Variants in PRR16 observed in about 807,000 individuals in gnomAD.
The protein encoded by PRR16 is proline rich 16, also known as protein Largen.
PRR16 carries 6 observed loss-of-function variants against 18.2 expected under a neutral mutation model. That is an observed-to-expected ratio of 0.33 (90% confidence interval 0.18 to 0.65). The LOEUF is 0.65. PRR16 is among the 30% of genes least tolerant of loss of function. The pLI, the probability that PRR16 is intolerant of heterozygous loss-of-function variation, is 0.74. For missense variants in PRR16, 412 were observed against 376.6 expected (o/e 1.09, Z -0.78); for synonymous variants, 151 against 147.8 (o/e 1.02, Z -0.16).
At chr5:120,595,864 C>A (rs866158631) in intron 1 of PRR16, among the ~76,000 whole-genome samples, 1 of 151,892 alleles carries the variant, frequency 6.6e-6, no homozygotes, top group Non-Finnish European at 1.5e-5. Flanking sequence ...AAAAATTTAA[C>A]TTTGCAACTT....
At chr5:120,738,957 C>T in the PRR16 span, among the ~76,000 whole-genome samples, 1 of 152,122 alleles carries the variant, frequency 6.6e-6, no homozygotes, top group African/African-American at 2.4e-5. Flanking sequence ...ATTAATATTT[C>T]CTGCATAGAA....
At chr5:120,786,958 A>G in the PRR16 span, among the ~76,000 whole-genome samples, 1 of 152,126 alleles carries the variant, frequency 6.6e-6, no homozygotes, top group Non-Finnish European at 1.5e-5. Flanking sequence ...ACTTTGACCT[A>G]TTCCATCCAA....
chr5:120,489,230 C>A (rs1281524685), intron 1 of PRR16, among the ~76,000 whole-genome samples: 4 of 152,164 alleles, frequency 2.6e-5, no homozygotes, highest in Non-Finnish European at 5.9e-5. Flanking sequence ...TCTTGTTGAT[C>A]TGTCTAATGT....
chr5:120,716,481 T>A, the PRR16 span, among the ~76,000 whole-genome samples: 100 of 152,316 alleles, frequency 6.6e-4, 1 homozygote, highest in East Asian at 0.018. Context: ...TTTCAGCAAC[T>A]GTATCACCAG....
chr5:120,675,360 T>C (rs1756760570), intron 1 of PRR16, among the ~76,000 whole-genome samples: 1 of 152,220 alleles, frequency 6.6e-6, no homozygotes, highest in Non-Finnish European at 1.5e-5. Flanking sequence ...GCTGTTACTA[T>C]GTTGCCAATC....
downstream of PRR16, among the ~76,000 whole-genome samples, chr5:120,690,533 T>C (rs139365687): frequency 5.9e-5 from 9 of 152,278 alleles, no homozygotes; most frequent in Non-Finnish European, 1.0e-4. Context: ...ACTGGGGAAA[T>C]GATTTATGAG....
At chr5:120,737,561 T>C in the PRR16 span, among the ~76,000 whole-genome samples, 1 of 151,906 alleles carries the variant, frequency 6.6e-6, no homozygotes, top group African/African-American at 2.4e-5. Flanking sequence ...CTTCTTGTAA[T>C]AGCTTTACCT....
chr5:120,736,366 G>T, the PRR16 span, among the ~76,000 whole-genome samples: 1 of 152,064 alleles, frequency 6.6e-6, no homozygotes, highest in Non-Finnish European at 1.5e-5. Flanking sequence ...CCGGGTTCAA[G>T]TGATTCTCCT....
chr5:120,762,493 T>TTTTG, the PRR16 span, among the ~76,000 whole-genome samples: 4 of 152,128 alleles, frequency 2.6e-5, no homozygotes, highest in Admixed American at 6.6e-5. Flanking sequence ...TAATGTTGTT[T>TTTTG]TTTGTTTTGT....
At chr5:120,515,112 A>G (rs946292510) in intron 1 of PRR16, among the ~76,000 whole-genome samples, 3 of 152,218 alleles carry the variant, frequency 2.0e-5, no homozygotes, top group African/African-American at 7.2e-5. Flanking sequence ...CAAGTGCTGC[A>G]TCTGGTGACA....
chr5:120,786,773 C>T, the PRR16 span, among the ~76,000 whole-genome samples: 5 of 151,776 alleles, frequency 3.3e-5, no homozygotes, highest in Admixed American at 3.3e-4. Flanking sequence ...ATCATACTGC[C>T]CTTACTGCAT....
chr5:120,571,040 GT>G (rs1441762590), intron 1 of PRR16, among the ~76,000 whole-genome samples: 2 of 152,118 alleles, frequency 1.3e-5, no homozygotes, highest in East Asian at 3.9e-4. Context: ...ATATACAGTG[GT>G]CATTGGAGTC....
chr5:120,640,448 A>G (rs1220116022), intron 1 of PRR16, among the ~76,000 whole-genome samples: 1 of 152,136 alleles, frequency 6.6e-6, no homozygotes, highest in Admixed American at 6.6e-5. Flanking sequence ...GCACACATAA[A>G]TTTTTCATGA....
the PRR16 span, among the ~76,000 whole-genome samples, chr5:120,756,739 T>C: frequency 6.6e-6 from 1 of 152,050 alleles, no homozygotes; most frequent in Admixed American, 6.6e-5. Flanking sequence ...CCATTCTGTA[T>C]AGGTTGTGTG....
intron 1 of PRR16, among the ~76,000 whole-genome samples, chr5:120,589,145 G>A (rs995490531): frequency 6.6e-6 from 1 of 152,000 alleles, no homozygotes; most frequent in Non-Finnish European, 1.5e-5. Context: ...ATCCTAATAA[G>A]TAAATAAAAA....
intron 1 of PRR16, among the ~76,000 whole-genome samples, chr5:120,585,579 G>C (rs1024961610): frequency 6.7e-6 from 1 of 149,614 alleles, no homozygotes; most frequent in Non-Finnish European, 1.5e-5. Flanking sequence ...AGATCGTGTC[G>C]TTCACTCCAG....
chr5:120,542,428 AT>A (rs983632936), intron 1 of PRR16, among the ~76,000 whole-genome samples: 1 of 152,044 alleles, frequency 6.6e-6, no homozygotes, highest in African/African-American at 2.4e-5. Flanking sequence ...CACTATTAAC[AT>A]TTTCGTTACA....
At chr5:120,593,493 A>C (rs749950685) in intron 1 of PRR16, among the ~76,000 whole-genome samples, 51 of 149,804 alleles carry the variant, frequency 3.4e-4, no homozygotes, top group Non-Finnish European at 6.2e-4. Flanking sequence ...GAGCTCCAAA[A>C]CTGAATCAGT....
intron 1 of PRR16, among the ~76,000 whole-genome samples, chr5:120,681,661 G>A (rs1452925551): frequency 6.6e-6 from 1 of 152,108 alleles, no homozygotes; most frequent in Non-Finnish European, 1.5e-5. Context: ...TGAGCTATAA[G>A]AGCAATACTC....
Sources: allele counts gnomAD v4.1 joint callset (sites outside exome capture counted in the v4.1 genomes callset), GRCh38; gene constraint gnomAD v4.1.1; transcripts MANE v1.5; gene names NCBI Gene and HGNC (gene_info 2026-07-23, HGNC 2026-07-21).